Variants in ZC3H12B observed in about 807,000 individuals in gnomAD.
ZC3H12B encodes probable ribonuclease ZC3H12B.
A neutral mutation model predicts 43.9 loss-of-function variants in ZC3H12B; 7 were observed. That is an observed-to-expected ratio of 0.16 (90% CI 0.09 to 0.30). The LOEUF (loss-of-function observed/expected upper bound fraction) is 0.30. Among genes scored for constraint, ZC3H12B ranks in the 10% least tolerant of loss-of-function variants. The probability of loss-of-function intolerance (pLI) is 1.00; values close to 1 mark genes in which losing one functional copy is unlikely to be tolerated. For missense variants in ZC3H12B, 475 were observed against 670.2 expected (o/e 0.71, Z 3.22); for synonymous variants, 222 against 241.7 (o/e 0.92, Z 0.76).
At chrX:65,100,592 A>G in the ZC3H12B span, among the ~76,000 whole-genome samples, 1 of 104,333 alleles carries the variant, frequency 9.6e-6, no homozygotes, top group Non-Finnish European at 1.9e-5. Context: ...AAAAAAAAAA[A>G]AACAGGGGTT....
chrX:65,396,888 G>T (rs1331803122), intron 2 of ZC3H12B, among the ~76,000 whole-genome samples: 2 of 111,532 alleles, frequency 1.8e-5, no homozygotes, highest in African/African-American at 6.5e-5. Flanking sequence ...AGGTGCTTCT[G>T]TATTGGGTAC....
the ZC3H12B span, among the ~76,000 whole-genome samples, chrX:65,232,443 G>T: frequency 9.0e-6 from 1 of 111,402 alleles, no homozygotes; most frequent in African/African-American, 3.3e-5. Flanking sequence ...TCAGAAGGTG[G>T]TACGGATGGA....
the ZC3H12B span, among the ~76,000 whole-genome samples, chrX:65,249,609 G>T: frequency 1.8e-5 from 2 of 111,177 alleles, no homozygotes; most frequent in Non-Finnish European, 3.8e-5. Context: ...GTGATATTTT[G>T]ATGGGAATTG....
At chrX:65,358,791 A>G in the ZC3H12B span, among the ~76,000 whole-genome samples, 9 of 111,810 alleles carry the variant, frequency 8.0e-5, no homozygotes, top group Non-Finnish European at 5.6e-5. Flanking sequence ...AGCATGAGCA[A>G]ACAAATTCAA....
At chrX:65,312,865 G>A in the ZC3H12B span, among the ~76,000 whole-genome samples, 112 of 111,259 alleles carry the variant, frequency 1.0e-3, 1 homozygote, top group Non-Finnish European at 2.5e-4. Flanking sequence ...TTGGTTTTTT[G>A]TTTGTTTGTT....
chrX:65,069,637 T>C, the ZC3H12B span, among the ~76,000 whole-genome samples: 1 of 111,976 alleles, frequency 8.9e-6, no homozygotes, highest in African/African-American at 3.2e-5. Context: ...CCTCCTACTT[T>C]ATTGAGAGTT....
chrX:65,047,058 A>T, the ZC3H12B span, among the ~76,000 whole-genome samples: 3 of 111,132 alleles, frequency 2.7e-5, no homozygotes, highest in Non-Finnish European at 3.8e-5. Flanking sequence ...ACCATAACAG[A>T]TATAATTATA....
At chrX:65,302,853 C>T in the ZC3H12B span, among the ~76,000 whole-genome samples, 1 of 111,786 alleles carries the variant, frequency 8.9e-6, no homozygotes, top group Non-Finnish European at 1.9e-5. Context: ...AATAAACTCA[C>T]ATAAATACAG....
chrX:65,050,224 G>C, the ZC3H12B span, among the ~76,000 whole-genome samples: 1 of 110,849 alleles, frequency 9.0e-6, no homozygotes, highest in South Asian at 3.7e-4. Flanking sequence ...CCTAGTCTAT[G>C]GAAGTGCAAC....
rs56857046 is a variant in ZC3H12B, at chrX:65,416,625, C to CA, written n.407+17936dup. On this transcript the variant is annotated intron_variant and non_coding_transcript_variant, in intron 3 of 5. Transcript: ENST00000617377. ...TGAAACCCCGTCTCTACTAAAAATACAAAAAAAAAAAAAAATTAGCCAAGT... is the reference window on the plus strand; with the variant it reads ...TGAAACCCCGTCTCTACTAAAAATACAAAAAAAAAAAAAAAATTAGCCAAGT... 1.6e-3 allele frequency among the ~76,000 whole-genome samples: 144 copies of CA among 88,275 alleles called. 1 individual carries two copies. Among genetic ancestry groups the CA allele is most frequent in the South Asian group, 8.1e-3 (15 of 1,847 alleles). The allele number at this position is 88,275 out of a possible 115,157, so 76.7% of individuals were successfully genotyped here.
At chrX:65,456,875 A>G (rs1383574717) in intron 3 of ZC3H12B, among the ~76,000 whole-genome samples, 10 of 108,850 alleles carry the variant, frequency 9.2e-5, no homozygotes, top group Non-Finnish European at 1.7e-4. Flanking sequence ...CCGTCTGGGA[A>G]GTGAGGAGCG....
intron 2 of ZC3H12B, among the ~76,000 whole-genome samples, chrX:65,391,912 C>G (rs1004460550): frequency 1.8e-5 from 2 of 111,185 alleles, no homozygotes; most frequent in Non-Finnish European, 3.8e-5. Context: ...ATTGCAGGTG[C>G]GCACCACCAC....
chrX:65,090,704 G>A, the ZC3H12B span, among the ~76,000 whole-genome samples: 4 of 111,269 alleles, frequency 3.6e-5, no homozygotes, highest in African/African-American at 1.3e-4. Flanking sequence ...GAGATGGGGA[G>A]ATTTTCCTTA....
chrX:65,360,225 G>A, the ZC3H12B span, among the ~76,000 whole-genome samples: 6 of 112,327 alleles, frequency 5.3e-5, no homozygotes, highest in African/African-American at 9.7e-5. Context: ...TGATATTTAC[G>A]TTGTTACAAT....
At chrX:65,110,704 A>G in the ZC3H12B span, among the ~76,000 whole-genome samples, 1 of 111,548 alleles carries the variant, frequency 9.0e-6, no homozygotes, top group Non-Finnish European at 1.9e-5. Context: ...AATTGTTTTA[A>G]CTGTTTTAGT....
the ZC3H12B span, among the ~76,000 whole-genome samples, chrX:65,215,035 T>A: frequency 9.0e-6 from 1 of 111,312 alleles, no homozygotes; most frequent in African/African-American, 3.3e-5. Context: ...TTTTTTCTAA[T>A]GAGTAGGTCC....
chrX:65,464,628 AT>A (rs1290231945), intron 3 of ZC3H12B, among the ~76,000 whole-genome samples: 1 of 110,174 alleles, frequency 9.1e-6, no homozygotes, highest in Admixed American at 9.8e-5. Context: ...TCTAATATTT[AT>A]TATTTTCTTC....
the ZC3H12B span, among the ~76,000 whole-genome samples, chrX:65,141,822 A>G: frequency 3.6e-5 from 4 of 111,741 alleles, no homozygotes; most frequent in East Asian, 1.1e-3. Flanking sequence ...AATCTCATCC[A>G]GGTCGCTGTG....
chrX:65,292,447 A>G, the ZC3H12B span, among the ~76,000 whole-genome samples: 5 of 110,606 alleles, frequency 4.5e-5, no homozygotes, highest in African/African-American at 6.6e-5. Flanking sequence ...GGATACATAG[A>G]GGGAAGCAAC....
Sources: gnomAD v4.1 joint callset for allele counts (sites outside exome capture counted in the v4.1 genomes callset) on GRCh38, gnomAD v4.1.1 for gene constraint, MANE v1.5 for transcripts, NCBI Gene and HGNC (gene_info 2026-07-23, HGNC 2026-07-21) for gene names.